Variants in TNRC6C observed in about 807,000 individuals in gnomAD.
TNRC6C encodes the protein trinucleotide repeat-containing gene 6C protein.
In TNRC6C, 20 loss-of-function variants were observed where a neutral mutation model predicts 153.7. The ratio of observed to expected loss-of-function variants is 0.13; its 90% CI spans 0.09 to 0.19. The LOEUF is 0.19. TNRC6C is among the 10% of genes least tolerant of loss of function. The pLI, the probability that TNRC6C is intolerant of heterozygous loss-of-function variation, is 1.00. For synonymous variants in TNRC6C, 811 were observed against 841.4 expected (o/e 0.96, Z 0.63); for missense variants, 1,987 against 2,172.0 (o/e 0.91, Z 1.69).
chr17:78,040,190 C>G lies in TNRC6C; in HGVS notation c.-219+8348C>G, dbSNP rs554717310. Reference sequence around the variant, plus strand: ...TTAGCCAAATAGCAACAGATCTTAACTGGGAAGATGAGTATTAGTACGTAC... The same window carrying G: ...TTAGCCAAATAGCAACAGATCTTAAGTGGGAAGATGAGTATTAGTACGTAC... On this transcript the variant is annotated intron_variant, in intron 2 of 19. Coordinates refer to ENST00000301624, the Ensembl canonical transcript of TNRC6C. 7.9e-5 allele frequency among the ~76,000 whole-genome samples: 12 copies of G among 152,296 alleles called. No homozygotes were observed. In the South Asian group the frequency reaches 2.3e-3, roughly 29 times the overall value.
At chr17:78,071,911 G>C (rs2073004911) in intron 6 of TNRC6C, among the ~76,000 whole-genome samples, 1 of 152,176 alleles carries the variant, frequency 6.6e-6, no homozygotes, top group South Asian at 2.1e-4. Flanking sequence ...ATTCATAATT[G>C]TAGGGCGTTC....
chr17:78,068,955 CTTAAATA>C (rs2072936832), intron 5 of TNRC6C, among the ~76,000 whole-genome samples: 1 of 152,060 alleles, frequency 6.6e-6, no homozygotes, highest in Non-Finnish European at 1.5e-5. Flanking sequence ...AGGTCACAAA[CTTAAATA>C]TTAAAAATAT....
intron 1 of TNRC6C, among the ~76,000 whole-genome samples, chr17:78,005,448 A>G (rs2071480133): frequency 6.6e-6 from 1 of 152,200 alleles, no homozygotes; most frequent in African/African-American, 2.4e-5. Context: ...ACTATCCTTT[A>G]TAATAAAAAA....
chr17:77,961,180 A>G (rs1339791215), intron 1 of TNRC6C, among the ~76,000 whole-genome samples: 1 of 145,900 alleles, frequency 6.9e-6, no homozygotes, highest in Non-Finnish European at 1.5e-5. Flanking sequence ...TTTTTGAGAC[A>G]GTTTCGTTCT....
At chr17:78,024,720 A>G (rs1315457342) in intron 1 of TNRC6C, among the ~76,000 whole-genome samples, 1 of 151,658 alleles carries the variant, frequency 6.6e-6, no homozygotes, top group Non-Finnish European at 1.5e-5. Context: ...TAAAGTTCCC[A>G]TGTATTCCCT....
intron 1 of TNRC6C, among the ~76,000 whole-genome samples, chr17:78,014,522 C>T (rs142845572): frequency 6.6e-6 from 1 of 151,808 alleles, no homozygotes; most frequent in East Asian, 1.9e-4. Flanking sequence ...TTTCTTACAG[C>T]AGGAATATCC....
intron 1 of TNRC6C, among the ~76,000 whole-genome samples, chr17:77,976,192 A>T (rs2070995275): frequency 6.6e-6 from 1 of 152,146 alleles, no homozygotes; most frequent in South Asian, 2.1e-4. Flanking sequence ...ACTATCACAC[A>T]TTTGCTCTTT....
At chr17:78,086,356 A>AC in intron 11 of TNRC6C, 147 bp from the exon 14 acceptor site, 1 of 488,166 alleles carries the variant, frequency 2.0e-6, no homozygotes. Flanking sequence ...AAAAAAAAAA[A>AC]AAAACAGTAT....
exon 3 of TNRC6C, chr17:78,050,108 A>G (rs1188257258): frequency 6.2e-7 from 1 of 1,608,314 alleles, no homozygotes; most frequent in South Asian, 1.1e-5. Flanking sequence ...CCCCCAAACC[A>G]GCATTCCAAC....
intron 18 of TNRC6C, among the ~76,000 whole-genome samples, chr17:78,103,000 C>T (rs1202263200): frequency 2.0e-5 from 3 of 152,150 alleles, no homozygotes; most frequent in South Asian, 2.1e-4. Flanking sequence ...TTAAAAGAGT[C>T]GTTTGGCCAC....
intron 5 of TNRC6C, among the ~76,000 whole-genome samples, chr17:78,069,158 A>G (rs1487402864): frequency 2.0e-5 from 3 of 152,186 alleles, no homozygotes; most frequent in Non-Finnish European, 2.9e-5. Context: ...TTTATAACTC[A>G]TATCATAGAG....
At chr17:78,032,137 T>G (rs1276768126) in intron 2 of TNRC6C, among the ~76,000 whole-genome samples, 2 of 152,228 alleles carry the variant, frequency 1.3e-5, no homozygotes, top group African/African-American at 2.4e-5. Context: ...GGCAGTTACT[T>G]TAGAACCCAG....
intron 8 of TNRC6C, among the ~76,000 whole-genome samples, chr17:78,076,744 C>G (rs1475995790): frequency 1.3e-5 from 2 of 152,144 alleles, no homozygotes; most frequent in African/African-American, 2.4e-5. Context: ...TTCTATAACT[C>G]ACCCTCTTCT....
chr17:78,030,501 G>C (rs1230974155), intron 1 of TNRC6C, among the ~76,000 whole-genome samples: 1 of 152,096 alleles, frequency 6.6e-6, no homozygotes, highest in African/African-American at 2.4e-5. Context: ...AATGTGTTGT[G>C]ACATTGCAAC....
chr17:78,073,030 T>C lies in TNRC6C; in HGVS notation c.2860-7T>C. 1 of 1,552,114 alleles carries C rather than the reference T, an allele frequency of 6.4e-7. No individual in the cohort carries two copies. ...TGCACTAATGAAAACTCTGTTTTCC[T>C]ACACAGAGAGAGCCAGCTGAGGAGG... On this transcript the variant is annotated splice_polypyrimidine_tract_variant and splice_region_variant and intron_variant, in intron 6 of 19. Transcript: ENST00000301624.
At chr17:78,003,289 A>G (rs1198468972), upstream of TNRC6C, among the ~76,000 whole-genome samples, 1 of 152,208 alleles carries the variant, frequency 6.6e-6, no homozygotes, top group Non-Finnish European at 1.5e-5. Context: ...AAGGGTTACT[A>G]CAGAGTTGAG....
chr17:78,051,002 C>T (rs201217429), exon 3 of TNRC6C: 6 of 1,613,920 alleles, frequency 3.7e-6, no homozygotes, highest in South Asian at 1.1e-5. Context: ...AGCACAAATA[C>T]AAAGGCCAAT....
chr17:78,096,448 C>G (rs149584323), intron 16 of TNRC6C, among the ~76,000 whole-genome samples: 1 of 152,356 alleles, frequency 6.6e-6, no homozygotes, highest in African/African-American at 2.4e-5. Context: ...TGAAGACCTG[C>G]AGATTACCCA....
chr17:78,010,530 A>T lies in TNRC6C; in HGVS notation c.-546+5451A>T, dbSNP rs143576466. Among the ~76,000 whole-genome samples the T allele has an allele frequency of 8.7e-3, 1,318 of 152,298 alleles. 13 individuals are homozygous for T. Among genetic ancestry groups the T allele is most frequent in the South Asian group, 0.038 (182 of 4,824 alleles). On this transcript the variant is annotated intron_variant, in intron 1 of 19. Coordinates refer to ENST00000301624, the Ensembl canonical transcript of TNRC6C. ...TTTTTCATATGTTTTTTCTACAACC[A>T]CATAATGGGGCTGGAGACATGAGTA... is the stretch of plus-strand genomic sequence containing the variant.
Sources: gnomAD v4.1 joint callset for allele counts (sites outside exome capture counted in the v4.1 genomes callset) on GRCh38, gnomAD v4.1.1 for gene constraint, MANE v1.5 for transcripts, NCBI Gene and HGNC (gene_info 2026-07-23, HGNC 2026-07-21) for gene names.